The following EDAR variants were observed in gnomAD, a reference collection of about 807,000 sequenced individuals.
EDAR encodes tumor necrosis factor receptor superfamily member EDAR.
A neutral mutation model predicts 51.3 loss-of-function variants in EDAR; 38 were observed. The observed-to-expected ratio is 0.74, with a 90% CI of 0.57 to 0.97. The LOEUF (loss-of-function observed/expected upper bound fraction) is 0.97. Ranked by LOEUF, EDAR falls within the 50% of genes least tolerant of loss-of-function variation. The pLI, the probability that EDAR is intolerant of heterozygous loss-of-function variation, is 0.00. For missense variants in EDAR, 528 were observed against 595.0 expected (o/e 0.89, Z 1.17); for synonymous variants, 227 against 242.1 (o/e 0.94, Z 0.58).
rs187706269 is a variant in EDAR, at chr2:108,957,017, C to T, written c.-18-25985G>A. ...GTTGGTCAGACTGGTGTCAAACTCC[C>T]GACCTCAGGTGATCTGCCTGCCTCG... On this transcript the variant is annotated intron_variant, in intron 1 of 11. Coordinates refer to ENST00000258443, the MANE Select transcript of EDAR (RefSeq NM_022336.4). Among the ~76,000 whole-genome samples the T allele has an allele frequency of 1.1e-4, 17 of 152,304 alleles. No individual in the cohort carries two copies. In the East Asian group the frequency reaches 2.7e-3, roughly 24 times the overall value.
chr2:108,981,593 T>C (rs1197641530), intron 1 of EDAR, among the ~76,000 whole-genome samples: 1 of 152,156 alleles, frequency 6.6e-6, no homozygotes, highest in Non-Finnish European at 1.5e-5. Flanking sequence ...AGTTCAGCCA[T>C]GTTTAGCATT....
intron 11 of EDAR, among the ~76,000 whole-genome samples, chr2:108,903,798 A>G (rs1696748272): frequency 6.6e-6 from 1 of 152,210 alleles, no homozygotes; most frequent in African/African-American, 2.4e-5. Context: ...TGTAAAACAT[A>G]AAAACTATGT....
chr2:108,919,483 C>T lies in EDAR; in HGVS notation c.442+3885G>A, dbSNP rs1422228764. Among the ~76,000 whole-genome samples the T allele has an allele frequency of 2.6e-5, 4 of 152,108 alleles. No individual in the cohort carries two copies. In the East Asian group the frequency reaches 5.8e-4, roughly 22 times the overall value. On this transcript the variant is annotated intron_variant, in intron 5 of 11. Transcript: ENST00000258443. ...CAGTGATTCTCCTGCCTCAGCCTCCCGAGTAGCTGGGATTACAGGCAGGCA... is the reference window on the plus strand; with the variant it reads ...CAGTGATTCTCCTGCCTCAGCCTCCTGAGTAGCTGGGATTACAGGCAGGCA...
chr2:108,956,612 C>T (rs1697930006), intron 1 of EDAR, among the ~76,000 whole-genome samples: 2 of 152,310 alleles, frequency 1.3e-5, no homozygotes, highest in South Asian at 2.1e-4. Flanking sequence ...AAATTTCCCT[C>T]ATAGATGCTT....
In EDAR at chr2:108,912,233, T is replaced by C. The variant is rs1050543721; in HGVS notation, c.529+445A>G. 1.4e-4 allele frequency among the ~76,000 whole-genome samples: 21 copies of C among 152,084 alleles called. 1 individual carries two copies. Among genetic ancestry groups the C allele is most frequent in the African/African-American group, 4.8e-4 (20 of 41,406 alleles). On this transcript the variant is annotated intron_variant, in intron 6 of 11. Transcript: ENST00000258443. ...CTGAGAGACATATTAAACTTTGGGG[T>C]CCTCCTCAATCCCTTCTTCCCTGGT...
intron 5 of EDAR, among the ~76,000 whole-genome samples, chr2:108,918,440 A>G (rs1002894791): frequency 4.6e-5 from 7 of 152,188 alleles, no homozygotes; most frequent in African/African-American, 1.7e-4. Flanking sequence ...TGGGTGGCCA[A>G]CTGCGGGTCC....
intron 1 of EDAR, among the ~76,000 whole-genome samples, chr2:108,938,999 C>T (rs937123248): frequency 2.7e-5 from 4 of 150,704 alleles, no homozygotes; most frequent in Non-Finnish European, 4.4e-5. Context: ...AGGCTGGTCT[C>T]GAACTCCTGA....
At chr2:108,962,150 A>G (rs1053577875) in intron 1 of EDAR, among the ~76,000 whole-genome samples, 5 of 152,208 alleles carry the variant, frequency 3.3e-5, no homozygotes, top group African/African-American at 1.2e-4. Flanking sequence ...CTGTCTAGGC[A>G]GCCTCTCAGC....
rs546101490 is a variant in EDAR, at chr2:108,954,836, C to T, written c.-18-23804G>A. ...TATTACAGGCGCCCGCCACCATGGC[C>T]GGCTAATTTTTGTATACATGTATTT... On this transcript the variant is annotated intron_variant, in intron 1 of 11. Coordinates refer to ENST00000258443, the MANE Select transcript of EDAR (RefSeq NM_022336.4). Among the ~76,000 whole-genome samples the T allele has an allele frequency of 5.3e-5, 8 of 152,076 alleles. No individual in the cohort carries two copies. In the South Asian group the frequency reaches 1.3e-3, roughly 24 times the overall value.
intron 4 of EDAR, 78 bp downstream of exon 4, chr2:108,929,120 C>A: frequency 6.4e-7 from 1 of 1,553,342 alleles, no homozygotes; most frequent in Middle Eastern, 2.0e-4. Flanking sequence ...GACCCCTGTT[C>A]CCAAGGTCCT....
At chr2:108,933,375 CGT>C (rs895439631) in intron 1 of EDAR, among the ~76,000 whole-genome samples, 8 of 152,116 alleles carry the variant, frequency 5.3e-5, no homozygotes, top group Non-Finnish European at 8.8e-5. Flanking sequence ...AAGGAAAAAG[CGT>C]GTGTCCCTGG....
At chr2:108,905,519 C>T (rs1223882448) in intron 11 of EDAR, among the ~76,000 whole-genome samples, 3 of 123,732 alleles carry the variant, frequency 2.4e-5, no homozygotes, top group African/African-American at 6.3e-5. Context: ...TGCATTTGGC[C>T]TACGGTGGGG....
At chr2:108,965,143 T>TATTTTTTGAGTGTCC (rs1698123457) in intron 1 of EDAR, among the ~76,000 whole-genome samples, 1 of 152,096 alleles carries the variant, frequency 6.6e-6, no homozygotes, top group Non-Finnish European at 1.5e-5. Flanking sequence ...TACTGGTATT[T>TATTTTTTGAGTGTCC]ATTTTTTGAG....
At chr2:108,964,309 C>T (rs1291384777) in intron 1 of EDAR, among the ~76,000 whole-genome samples, 1 of 152,122 alleles carries the variant, frequency 6.6e-6, no homozygotes, top group African/African-American at 2.4e-5. Context: ...CAGCCAGAAG[C>T]CCCTGCCAGG....
chr2:108,952,025 A>G (rs1030131276), intron 1 of EDAR, among the ~76,000 whole-genome samples: 3 of 152,238 alleles, frequency 2.0e-5, no homozygotes, highest in Non-Finnish European at 2.9e-5. Flanking sequence ...AAGCAAAAGC[A>G]TGTTTTATTT....
At chr2:108,903,510 A>G (rs192570306) in intron 11 of EDAR, among the ~76,000 whole-genome samples, 125 of 152,344 alleles carry the variant, frequency 8.2e-4, no homozygotes, top group African/African-American at 2.8e-3. Context: ...CATAATTTAT[A>G]CAAGAATCAA....
At chr2:108,953,518 T>C (rs895163982) in intron 1 of EDAR, among the ~76,000 whole-genome samples, 1 of 152,110 alleles carries the variant, frequency 6.6e-6, no homozygotes, top group Non-Finnish European at 1.5e-5. Context: ...TTACTTTTCT[T>C]AAGGCTCACG....
chr2:108,959,635 G>A (rs968484872), intron 1 of EDAR, among the ~76,000 whole-genome samples: 4 of 152,292 alleles, frequency 2.6e-5, no homozygotes, highest in Non-Finnish European at 5.9e-5. Flanking sequence ...GGCCAGTGCC[G>A]GCTGTGGCAT....
Position 108,931,022 on chromosome 2 carries a change from C to T in EDAR, c.-8G>A. ...GTCCCCCACATGGGCCATCCTCTCC[C>T]AAGGGCTCACCTGAAAGACATGCGT... On this transcript the variant is annotated 5_prime_UTR_variant, in exon 2 of 12. Transcript: ENST00000258443. 3 of 1,614,048 alleles carry T rather than the reference C, an allele frequency of 1.9e-6. No homozygotes were observed. Among genetic ancestry groups the T allele is most frequent in the Non-Finnish European group, 2.5e-6 (3 of 1,180,020 alleles).
Sources: allele counts gnomAD v4.1 joint callset (sites outside exome capture counted in the v4.1 genomes callset), GRCh38; gene constraint gnomAD v4.1.1; transcripts MANE v1.5; gene names NCBI Gene and HGNC (gene_info 2026-07-23, HGNC 2026-07-21).